Variants in ZMYND11 observed in about 807,000 individuals in gnomAD.
ZMYND11 encodes the protein zinc finger MYND domain-containing protein 11.
Under a neutral mutation model 84.9 loss-of-function variants are expected in ZMYND11, and 9 were observed. That is an observed-to-expected ratio of 0.11 (90% confidence interval 0.06 to 0.18). The LOEUF (loss-of-function observed/expected upper bound fraction) is 0.18. ZMYND11 is among the 10% of genes least tolerant of loss of function. ZMYND11 has a pLI of 1.00. For missense variants in ZMYND11, 409 were observed against 761.0 expected, an observed-to-expected ratio of 0.54 and a Z score of 5.44; for synonymous variants, 250 against 244.1, an observed-to-expected ratio of 1.02 and a Z score of -0.23.
rs1952648635 is a variant in ZMYND11 at position 248,498 on chromosome 10, C to G, written c.1390C>G (p.Gln464Glu). Residue 464 changes from glutamine (Q) to glutamate (E), a missense_variant, in exon 13 of 15, where the codon CAG (glutamine) becomes GAG (glutamate). By Grantham distance (29) the Gln-to-Glu change is conservative. Transcript: ENST00000381604. ...STQTTNDGVC[Q>E]SMCHDKYTKI... The stretch of plus-strand genomic sequence containing the variant: ...CCAGACCACAAACGACGGCGTGTGT[C>G]AGAGCATGTGCCATGACAAATACAC... 1 of 1,614,052 alleles carries G rather than the reference C, an allele frequency of 6.2e-7. No individual in the cohort carries two copies. Among genetic ancestry groups the G allele is most frequent in the South Asian group, 1.1e-5 (1 of 91,090 alleles).
chr10:241,927 A>ATAATGGATTATATG, intron 9 of ZMYND11, 94 bp from the exon 10 acceptor site: 2 of 1,423,546 alleles, frequency 1.4e-6, no homozygotes, highest in Non-Finnish European at 9.6e-7. Flanking sequence ...TATTTTAGAA[A>ATAATGGATTATATG]TAATGGATTA....
chr10:134,796 C>A (rs960056361), upstream of ZMYND11: 1 of 152,294 alleles, frequency 6.6e-6, no homozygotes, highest in Non-Finnish European at 1.5e-5. Flanking sequence ...CGTACGTAGC[C>A]TTCACGTGTG....
At chr10:222,615 G>A (rs1430638258) in intron 4 of ZMYND11, among the ~76,000 whole-genome samples, 1 of 151,882 alleles carries the variant, frequency 6.6e-6, no homozygotes, top group African/African-American at 2.4e-5. Context: ...TTATTCTCTT[G>A]TGGATTTCGA....
chr10:247,141 A>T (rs1952318445), intron 11 of ZMYND11, 168 bp downstream of exon 11: 1 of 789,072 alleles, frequency 1.3e-6, no homozygotes. Context: ...ATGAATACAT[A>T]GATGTAACAA....
intron 1 of ZMYND11, among the ~76,000 whole-genome samples, chr10:149,581 T>G (rs1323710597): frequency 2.0e-5 from 3 of 152,112 alleles, no homozygotes; most frequent in African/African-American, 7.2e-5. Flanking sequence ...AAATGTATTA[T>G]TATTTTTTAA....
intron 4 of ZMYND11, among the ~76,000 whole-genome samples, chr10:226,446 GC>G (rs1948146779): frequency 6.6e-6 from 1 of 152,050 alleles, no homozygotes; most frequent in Non-Finnish European, 1.5e-5. Context: ...TTGAAAGTAG[GC>G]CCCTATTTCC....
At chr10:150,585 C>G (rs1485060820) in intron 1 of ZMYND11, among the ~76,000 whole-genome samples, 2 of 152,132 alleles carry the variant, frequency 1.3e-5, no homozygotes, top group Non-Finnish European at 2.9e-5. Context: ...ACAAAGTGGC[C>G]TGGAGGCTCG....
chr10:195,664 A>C (rs1251823995), intron 2 of ZMYND11, among the ~76,000 whole-genome samples: 1 of 152,226 alleles, frequency 6.6e-6, no homozygotes, highest in Non-Finnish European at 1.5e-5. Flanking sequence ...ATAGGGGCCA[A>C]TAGCGTGAAG....
At chr10:188,311 G>A (rs1477528368) in intron 2 of ZMYND11, among the ~76,000 whole-genome samples, 1 of 152,004 alleles carries the variant, frequency 6.6e-6, no homozygotes, top group Admixed American at 6.5e-5. Flanking sequence ...ATGAGACCAT[G>A]TGCTGTGGTT....
intron 2 of ZMYND11, among the ~76,000 whole-genome samples, chr10:188,438 A>G (rs1939365009): frequency 6.6e-6 from 1 of 151,394 alleles, no homozygotes; most frequent in Admixed American, 6.6e-5. Context: ...AAAAAAAACC[A>G]CAAAATTAGC....
chr10:144,847 C>T (rs1401215092), intron 1 of ZMYND11, among the ~76,000 whole-genome samples: 1 of 149,972 alleles, frequency 6.7e-6, no homozygotes, highest in East Asian at 1.9e-4. Context: ...GCACCCATCA[C>T]CTGAGTAGTG....
chr10:194,713 A>G (rs1365252168), intron 2 of ZMYND11, among the ~76,000 whole-genome samples: 1 of 152,098 alleles, frequency 6.6e-6, no homozygotes, highest in African/African-American at 2.4e-5. Context: ...CTTCTTTCAC[A>G]AAGTATTCAA....
Position 242,427 on chromosome 10 carries a change from T to C in ZMYND11, c.950+288T>C, listed in dbSNP as rs530882932. ...CAGAAGGGCCTCAGAATGTGTCCATTCCATAATATGGTAATGGAATTACCA... is the reference window on the plus strand; with the variant it reads ...CAGAAGGGCCTCAGAATGTGTCCATCCCATAATATGGTAATGGAATTACCA... On this transcript the variant is annotated intron_variant, in intron 10 of 14. Transcript: ENST00000381604. Among the ~76,000 whole-genome samples the C allele has an allele frequency of 7.2e-5, 11 of 152,234 alleles. No homozygotes were observed. In the South Asian group the frequency reaches 2.3e-3, roughly 32 times the overall value.
At chr10:153,204 T>C (rs1554757623) in intron 1 of ZMYND11, among the ~76,000 whole-genome samples, 1 of 152,220 alleles carries the variant, frequency 6.6e-6, no homozygotes, top group Non-Finnish European at 1.5e-5. Context: ...TCTACTGTTA[T>C]ACAACCTACA....
intron 2 of ZMYND11, among the ~76,000 whole-genome samples, chr10:184,715 G>C (rs895084417): frequency 5.9e-5 from 9 of 152,258 alleles, no homozygotes; most frequent in Non-Finnish European, 8.8e-5. Flanking sequence ...GTGTGCCATA[G>C]TCCTCTCTGT....
chr10:177,031 T>A (rs191862054), intron 1 of ZMYND11, among the ~76,000 whole-genome samples: 1 of 152,338 alleles, frequency 6.6e-6, no homozygotes, highest in East Asian at 1.9e-4. Flanking sequence ...CTCAAATTGC[T>A]GTTCTTTTCT....
chr10:227,763 G>A (rs1163266754), intron 4 of ZMYND11, among the ~76,000 whole-genome samples: 3 of 152,144 alleles, frequency 2.0e-5, no homozygotes, highest in African/African-American at 7.2e-5. Context: ...AGCTATAACT[G>A]CTCTTGCTTT....
chr10:149,217 C>G (rs1839673201), intron 1 of ZMYND11, among the ~76,000 whole-genome samples: 2 of 151,856 alleles, frequency 1.3e-5, no homozygotes, highest in South Asian at 4.2e-4. Context: ...AGACCACACA[C>G]TCCCTTTGGA....
chr10:242,958 A>G (rs151275021), intron 10 of ZMYND11, among the ~76,000 whole-genome samples: 14 of 152,070 alleles, frequency 9.2e-5, no homozygotes, highest in Non-Finnish European at 1.9e-4. Context: ...TAATGATCCA[A>G]TAAAATAACT....
Sources: gnomAD v4.1 joint callset for allele counts (sites outside exome capture counted in the v4.1 genomes callset) on GRCh38, gnomAD v4.1.1 for gene constraint, MANE v1.5 for transcripts, NCBI Gene and HGNC (gene_info 2026-07-23, HGNC 2026-07-21) for gene names.